The following ITGB3BP variants were observed in gnomAD, a reference collection of about 807,000 sequenced individuals.
ITGB3BP encodes the protein centromere protein R.
A neutral mutation model predicts 29.1 loss-of-function variants in ITGB3BP; 27 were observed. The observed-to-expected ratio is 0.93, with a 90% CI of 0.68 to 1.28. The LOEUF (loss-of-function observed/expected upper bound fraction) is 1.28, where lower values mean the gene tolerates loss of function less well. ITGB3BP is among the 50% of genes most tolerant of loss of function. ITGB3BP has a pLI of 0.00. For missense variants in ITGB3BP, 192 were observed against 200.2 expected (o/e 0.96, Z 0.25); for synonymous variants, 61 against 61.4 (o/e 0.99, Z 0.03).
intron 1 of ITGB3BP, among the ~76,000 whole-genome samples, chr1:63,519,904 C>A (rs1646411799): frequency 6.6e-6 from 1 of 152,018 alleles, no homozygotes; most frequent in Non-Finnish European, 1.5e-5. Flanking sequence ...GCAGAATGGC[C>A]CCCACTGTTA....
At chr1:63,494,272 C>G (rs1202475258) in intron 2 of ITGB3BP, among the ~76,000 whole-genome samples, 3 of 152,066 alleles carry the variant, frequency 2.0e-5, no homozygotes, top group Admixed American at 2.0e-4. Context: ...GCACCCACCA[C>G]CACGTCCGGC....
intron 7 of ITGB3BP, chr1:63,449,647 G>A (rs1644836014): frequency 6.5e-6 from 1 of 154,112 alleles, no homozygotes. Context: ...ATAAAGAGCT[G>A]AGGACTATAG....
At chr1:63,473,578 C>T (rs1645257701) in intron 4 of ITGB3BP, among the ~76,000 whole-genome samples, 1 of 126,390 alleles carries the variant, frequency 7.9e-6, no homozygotes, top group Admixed American at 7.5e-5. Flanking sequence ...GAGGGGGGGT[C>T]AGCCCCCTGC....
At chr1:63,487,626 T>C (rs1019202031) in intron 3 of ITGB3BP, among the ~76,000 whole-genome samples, 1 of 152,064 alleles carries the variant, frequency 6.6e-6, no homozygotes, top group Non-Finnish European at 1.5e-5. Flanking sequence ...CTGTAGGCAA[T>C]TGTAACATAT....
At chr1:63,465,873 T>G (rs1352330904) in intron 4 of ITGB3BP, among the ~76,000 whole-genome samples, 4 of 152,168 alleles carry the variant, frequency 2.6e-5, no homozygotes, top group Non-Finnish European at 5.9e-5. Context: ...CATTTATTTT[T>G]TATTTATTTT....
In ITGB3BP at chr1:63,454,868, A is replaced by G. The variant is rs1243334872; in HGVS notation, c.333+22T>C. The G allele has an allele frequency of 4.5e-6, 5 of 1,113,882 alleles. No homozygotes were observed. In the African/African-American group the frequency reaches 6.2e-5, roughly 14 times the overall value. 69.0% of individuals were successfully genotyped at this position (1,113,882 alleles called of 1,614,324 possible). On this transcript the variant is annotated intron_variant, in intron 5 of 8. Transcript: ENST00000271002. This position sits in a 1 kb window ranked among gnomAD's most constrained non-coding sequence, Gnocchi z 4.1. ...TCATTTTATCCTTTTCAAACAGGGT[A>G]GAAGTATGAAAAAATGCAAACCTGT...
chr1:63,511,440 C>T (rs1184045866), intron 1 of ITGB3BP, among the ~76,000 whole-genome samples: 1 of 152,014 alleles, frequency 6.6e-6, no homozygotes, highest in Non-Finnish European at 1.5e-5. Flanking sequence ...GATTCCACTT[C>T]CAAAAATAAT....
intron 3 of ITGB3BP, among the ~76,000 whole-genome samples, chr1:63,488,329 G>A (rs1041224781): frequency 6.6e-6 from 1 of 151,934 alleles, no homozygotes; most frequent in Admixed American, 6.6e-5. Context: ...AGGCAGATGA[G>A]GTGTTTGGGT....
intron 7 of ITGB3BP, among the ~76,000 whole-genome samples, chr1:63,448,521 T>C (rs1179764817): frequency 1.3e-5 from 2 of 152,086 alleles, no homozygotes; most frequent in Admixed American, 6.6e-5. Context: ...CAAGTCCTGC[T>C]TTTAACTATA....
intron 2 of ITGB3BP, among the ~76,000 whole-genome samples, chr1:63,506,506 C>A (rs138648143): frequency 6.6e-6 from 1 of 152,212 alleles, no homozygotes; most frequent in Non-Finnish European, 1.5e-5. Context: ...CTGGGTCCCT[C>A]CCACAACAGG....
At chr1:63,479,016 A>AATACCAT (rs1172116143) in intron 3 of ITGB3BP, among the ~76,000 whole-genome samples, 183 bp from the exon 4 acceptor site, 7 of 152,250 alleles carry the variant, frequency 4.6e-5, no homozygotes, top group South Asian at 2.1e-4. Flanking sequence ...TCTTACTCAC[A>AATACCAT]ATACCATATA....
Position 63,446,579 on chromosome 1 carries a change from C to T in ITGB3BP, c.*1+227G>A, listed in dbSNP as rs182479025. On this transcript the variant is annotated intron_variant, in intron 8 of 8. Transcript: ENST00000271002. ...CCTCTCTGACTTTTAAAGTTAGCGTCGTCAGCTCAACAGTTCTTTCCAATC... is the reference window on the plus strand; with the variant it reads ...CCTCTCTGACTTTTAAAGTTAGCGTTGTCAGCTCAACAGTTCTTTCCAATC... 6.0e-6 allele frequency: 3 copies of T among 496,556 alleles called. No individual in the cohort carries two copies. In the South Asian group the frequency reaches 1.1e-4, roughly 17 times the overall value. The allele number at this position is 496,556 out of a possible 1,614,324, so 30.8% of individuals were successfully genotyped here.
chr1:63,505,013 A>C (rs1203730504), intron 2 of ITGB3BP, among the ~76,000 whole-genome samples: 1 of 152,194 alleles, frequency 6.6e-6, no homozygotes, highest in African/African-American at 2.4e-5. Flanking sequence ...TATCAGGATG[A>C]TGCTGGGCTC....
intron 2 of ITGB3BP, among the ~76,000 whole-genome samples, chr1:63,497,632 T>C (rs77984672): frequency 0.012 from 1,893 of 152,282 alleles, 32 homozygotes; most frequent in African/African-American, 0.043. Flanking sequence ...AAAAAATGTA[T>C]GTCAAAGTGG....
rs1408853902 is a variant in ITGB3BP at position 63,490,121 on chromosome 1, C to G, written c.146G>C (p.Ser49Thr). ...CQMSLFASPT[S>T]SEEQKHRNGL... ...ATTTCTGTGCTTTTGCTCTTCAGAA[C>G]TTGTGGGAGAAGCAAATAGACTCAT... The change falls in exon 3 of 9, where the codon AGT becomes ACT. Residue 49 changes from serine (S) to threonine (T), a missense_variant. Transcript: ENST00000271002. The G allele has an allele frequency of 6.2e-7, 1 of 1,611,404 alleles. No individual in the cohort carries two copies. The highest frequency in any genetic ancestry group is 8.5e-7 in the Non-Finnish European group (1 of 1,178,378).
intron 1 of ITGB3BP, among the ~76,000 whole-genome samples, chr1:63,516,194 G>C (rs1370831461): frequency 6.7e-6 from 1 of 150,014 alleles, no homozygotes; most frequent in African/African-American, 2.5e-5. Context: ...AGGCTGAGCT[G>C]AGCAGATTGC....
intron 4 of ITGB3BP, among the ~76,000 whole-genome samples, chr1:63,473,248 C>G (rs911477898): frequency 6.6e-6 from 1 of 151,664 alleles, no homozygotes; most frequent in Non-Finnish European, 1.5e-5. Context: ...GCAACCGCCC[C>G]GTCTGAGAAG....
chr1:63,497,926 C>CTT lies in ITGB3BP; in HGVS notation c.49-7709_49-7708insAA, dbSNP rs1553164955. On this transcript the variant is annotated intron_variant, in intron 2 of 8. Transcript: ENST00000271002. ...TTGTAACACATGCTTTTCCTTTCCC[C>CTT]CTTTTTCTTTTTTCCAAGAAAATAC... Among the ~76,000 whole-genome samples, 3 of 151,986 alleles carry CTT rather than the reference C, an allele frequency of 2.0e-5. No homozygotes were observed. In the East Asian group the frequency reaches 5.8e-4, roughly 29 times the overall value.
chr1:63,454,916 T>A lies in ITGB3BP; in HGVS notation c.307A>T (p.Ile103Leu). The change falls in exon 5 of 9, where the codon ATA becomes TTA. Residue 103 changes from isoleucine to leucine, a missense_variant. Coordinates refer to ENST00000271002, the MANE Select transcript of ITGB3BP (RefSeq NM_014288.5). The surrounding 1 kb of genome is among the most constrained non-coding windows in gnomAD (Gnocchi z 4.1). ...TGTATACTACTTAAATTTTGCATTA[T>A]CTCCATGATTTCTTCTGACAATTTC... Reference protein sequence around the residue: ...VEKLSEEIMEIMQNLSSIQAL... With the variant: ...VEKLSEEIMELMQNLSSIQAL... The A allele has an allele frequency of 1.9e-6, 3 of 1,563,356 alleles. No individual in the cohort carries two copies. The highest frequency in any genetic ancestry group is 2.2e-5 in the South Asian group (2 of 89,730).
Sources: allele counts gnomAD v4.1 joint callset (sites outside exome capture counted in the v4.1 genomes callset), GRCh38; gene constraint gnomAD v4.1.1; non-coding constraint Gnocchi (gnomAD v3.1); transcripts MANE v1.5; gene names NCBI Gene and HGNC (gene_info 2026-07-23, HGNC 2026-07-21).